The following GABRB2 variants were observed in gnomAD, a reference collection of about 807,000 sequenced individuals.
GABRB2 encodes the protein gamma-aminobutyric acid receptor subunit beta-2.
Under a neutral mutation model 54.7 loss-of-function variants are expected in GABRB2, and 16 were observed. That is an observed-to-expected ratio of 0.29 (90% CI 0.20 to 0.44). The LOEUF (loss-of-function observed/expected upper bound fraction) is 0.44. GABRB2 is among the 20% of genes least tolerant of loss of function. The pLI is 1.00. For synonymous variants in GABRB2, 244 were observed against 233.8 expected, an observed-to-expected ratio of 1.04 and a Z score of -0.40; for missense variants, 355 against 644.0, an observed-to-expected ratio of 0.55 and a Z score of 4.86.
intron 5 of GABRB2, among the ~76,000 whole-genome samples, chr5:161,369,764 A>T (rs1755079341): frequency 6.6e-6 from 1 of 152,130 alleles, no homozygotes; most frequent in South Asian, 2.1e-4. Context: ...TATCGACCTG[A>T]AATCTTTCAT....
chr5:161,370,257 A>G (rs1002884708), intron 5 of GABRB2, among the ~76,000 whole-genome samples: 2 of 152,182 alleles, frequency 1.3e-5, no homozygotes, highest in African/African-American at 4.8e-5. Context: ...GACTATAGTG[A>G]GTTAAAGCAA....
At chr5:161,426,291 A>C (rs537721940) in intron 4 of GABRB2, among the ~76,000 whole-genome samples, 1 of 152,230 alleles carries the variant, frequency 6.6e-6, no homozygotes, top group South Asian at 2.1e-4. Flanking sequence ...GACTCTCCCC[A>C]AAAAGCAATA....
chr5:161,313,850 T>A (rs1249554425), intron 9 of GABRB2, among the ~76,000 whole-genome samples: 1 of 152,210 alleles, frequency 6.6e-6, no homozygotes, highest in Non-Finnish European at 1.5e-5. Context: ...CTGGGCTTTC[T>A]CCAATCTATA....
rs1277034077 is a variant in GABRB2 at position 161,288,572 on chromosome 5, C to T, written c.*5509G>A. On this transcript the variant is annotated 3_prime_UTR_variant, in exon 10 of 10. Transcript: ENST00000393959. ...TTATGTGCTATTCATTTATAATCCT[C>T]ATTTTTTACTATCTCATGTATCCCA... The T allele has an allele frequency of 6.6e-6, 1 of 152,582 alleles. No homozygotes were observed. The highest frequency in any genetic ancestry group is 6.6e-5 in the Admixed American group (1 of 15,266). 9.5% of individuals were successfully genotyped at this position (152,582 alleles called of 1,614,324 possible). A position where few individuals can be genotyped will look rare whatever the true frequency, so the allele number is the denominator to read the frequency against.
chr5:161,471,054 G>C (rs1204479227), intron 3 of GABRB2, among the ~76,000 whole-genome samples: 1 of 151,906 alleles, frequency 6.6e-6, no homozygotes, highest in Non-Finnish European at 1.5e-5. Flanking sequence ...TGGCATTTGA[G>C]AGCTAGGTTT....
At chr5:161,421,269 CTG>C (rs1352927395) in intron 4 of GABRB2, among the ~76,000 whole-genome samples, 2 of 152,172 alleles carry the variant, frequency 1.3e-5, no homozygotes, top group African/African-American at 2.4e-5. Context: ...AGACGGCAAA[CTG>C]TGCTACATGA....
At chr5:161,347,023 G>C (rs906923153) in intron 5 of GABRB2, among the ~76,000 whole-genome samples, 2 of 152,042 alleles carry the variant, frequency 1.3e-5, no homozygotes, top group African/African-American at 2.4e-5. Flanking sequence ...CAGGCCTGCT[G>C]CTCATGTAGA....
At position 161,487,324 on chromosome 5, in the gene GABRB2, G is replaced by A. The variant is rs1758956849; in HGVS notation, c.238-27480C>T. On this transcript the variant is annotated intron_variant, in intron 3 of 9. Transcript: ENST00000393959. Reference sequence around the variant, plus strand: ...TCAATACTTTTCCCAAAGTGGTAAAGTGGTACAAATTGGACTGGAGCAGGT... The same window carrying A: ...TCAATACTTTTCCCAAAGTGGTAAAATGGTACAAATTGGACTGGAGCAGGT... 4.0e-5 allele frequency among the ~76,000 whole-genome samples: 6 copies of A among 151,884 alleles called. No homozygotes were observed. The South Asian group carries it at 1.2e-3, about 31-fold the overall frequency.
intron 3 of GABRB2, among the ~76,000 whole-genome samples, chr5:161,463,176 C>T (rs1015351779): frequency 1.3e-5 from 2 of 151,712 alleles, no homozygotes; most frequent in Non-Finnish European, 2.9e-5. Context: ...GAAATAAAAC[C>T]ACAACTACCT....
intron 3 of GABRB2, among the ~76,000 whole-genome samples, chr5:161,514,195 C>A (rs1194500187): frequency 6.6e-6 from 1 of 152,056 alleles, no homozygotes; most frequent in Non-Finnish European, 1.5e-5. Flanking sequence ...ATTATATGAC[C>A]AGAGTGCAGA....
At chr5:161,382,976 G>T (rs763867131) in intron 5 of GABRB2, among the ~76,000 whole-genome samples, 3 of 152,142 alleles carry the variant, frequency 2.0e-5, no homozygotes, top group Admixed American at 2.0e-4. Context: ...GACTTGGATG[G>T]ACATCAATAA....
intron 5 of GABRB2, among the ~76,000 whole-genome samples, chr5:161,388,299 C>T (rs1004285970): frequency 6.6e-6 from 1 of 152,168 alleles, no homozygotes; most frequent in East Asian, 1.9e-4. Context: ...CAGCATTCAT[C>T]AAAGCTGTCA....
intron 3 of GABRB2, among the ~76,000 whole-genome samples, chr5:161,463,004 C>T (rs1334077597): frequency 6.6e-6 from 1 of 151,940 alleles, no homozygotes; most frequent in Non-Finnish European, 1.5e-5. Flanking sequence ...ACTGAAAAAC[C>T]CCAAATAAAC....
intron 9 of GABRB2, among the ~76,000 whole-genome samples, chr5:161,325,420 A>G (rs1050901917): frequency 6.6e-6 from 1 of 152,154 alleles, no homozygotes; most frequent in Non-Finnish European, 1.5e-5. Context: ...GTGACAAAAT[A>G]CCAGCACAAA....
intron 3 of GABRB2, among the ~76,000 whole-genome samples, chr5:161,473,786 C>A (rs1439231496): frequency 6.6e-6 from 1 of 151,906 alleles, no homozygotes; most frequent in Non-Finnish European, 1.5e-5. Context: ...CTAAGTGGCA[C>A]CTCAGTATTT....
At chr5:161,390,175 A>T (rs1380443854) in intron 5 of GABRB2, among the ~76,000 whole-genome samples, 2 of 152,046 alleles carry the variant, frequency 1.3e-5, no homozygotes, top group South Asian at 2.1e-4. Flanking sequence ...GCCAAATGTA[A>T]ATATCTCAGT....
chr5:161,414,390 A>T (rs1305793676), intron 4 of GABRB2, among the ~76,000 whole-genome samples: 1 of 152,192 alleles, frequency 6.6e-6, no homozygotes, highest in Non-Finnish European at 1.5e-5. Context: ...ACTACCTGCT[A>T]ACGTGTAGAT....
intron 6 of GABRB2, among the ~76,000 whole-genome samples, chr5:161,335,165 C>G (rs924094592): frequency 6.6e-6 from 1 of 152,138 alleles, no homozygotes; most frequent in Non-Finnish European, 1.5e-5. Context: ...ATCAAACATA[C>G]CCCTCCTCTG....
At chr5:161,341,240 G>T (rs1028212053) in intron 5 of GABRB2, among the ~76,000 whole-genome samples, 1 of 151,532 alleles carries the variant, frequency 6.6e-6, no homozygotes, top group African/African-American at 2.4e-5. Context: ...AAAACTAAAA[G>T]AAAACATATG....
Sources: gnomAD v4.1 joint callset for allele counts (sites outside exome capture counted in the v4.1 genomes callset) on GRCh38, gnomAD v4.1.1 for gene constraint, MANE v1.5 for transcripts, NCBI Gene and HGNC (gene_info 2026-07-23, HGNC 2026-07-21) for gene names.